The following THEMIS variants were observed in gnomAD, a reference collection of about 807,000 sequenced individuals.
The protein encoded by THEMIS is thymocyte selection associated.
A neutral mutation model predicts 52.6 loss-of-function variants in THEMIS; 37 were observed. The observed-to-expected ratio is 0.70, with a 90% confidence interval of 0.54 to 0.93. The LOEUF is 0.93. Among genes scored for constraint, THEMIS ranks in the 40% least tolerant of loss-of-function variants. THEMIS has a pLI of 0.00. For missense variants in THEMIS, 808 were observed against 763.1 expected (o/e 1.06, Z -0.69); for synonymous variants, 292 against 272.7 (o/e 1.07, Z -0.70).
At chr6:127,769,880 T>A (rs1359146055) in intron 4 of THEMIS, among the ~76,000 whole-genome samples, 1 of 152,240 alleles carries the variant, frequency 6.6e-6, no homozygotes, top group Non-Finnish European at 1.5e-5. Flanking sequence ...GTGTTTGGTT[T>A]CCTGTCCTTG....
intron 1 of THEMIS, among the ~76,000 whole-genome samples, chr6:127,897,179 A>C (rs2114492033): frequency 6.6e-6 from 1 of 151,570 alleles, no homozygotes; most frequent in South Asian, 2.1e-4. Flanking sequence ...ACAGATCTGA[A>C]GGTGAGGGTA....
rs955318365 is a variant in THEMIS, at chr6:127,848,265, T to C, written c.250+6765A>G. ...CAAAGGACATGAACTCATCATTTTTTATAGCTGCATAGTATTCCATGGTGT... is the reference window on the plus strand; with the variant it reads ...CAAAGGACATGAACTCATCATTTTTCATAGCTGCATAGTATTCCATGGTGT... On this transcript the variant is annotated intron_variant, in intron 2 of 5. Transcript: ENST00000368248. Among the ~76,000 whole-genome samples, 17 of 152,106 alleles carry C rather than the reference T, an allele frequency of 1.1e-4. No individual in the cohort carries two copies. The South Asian group carries it at 2.9e-3, about 26-fold the overall frequency.
rs745592477 is a variant in THEMIS, at chr6:127,843,539, T to C, written c.250+11491A>G. 4.0e-4 allele frequency among the ~76,000 whole-genome samples: 61 copies of C among 152,100 alleles called. No homozygotes were observed. In the Middle Eastern group the frequency reaches 0.014, roughly 34 times the overall value. ...TCAATAAGTTGTTGAAAGTATAATATCCTAGATACACATTTTAAATAAAAC... is the reference window on the plus strand; with the variant it reads ...TCAATAAGTTGTTGAAAGTATAATACCCTAGATACACATTTTAAATAAAAC... On this transcript the variant is annotated intron_variant, in intron 2 of 5. Coordinates refer to ENST00000368248, the MANE Select transcript of THEMIS (RefSeq NM_001010923.3).
intron 1 of THEMIS, among the ~76,000 whole-genome samples, chr6:127,907,834 T>C (rs1781314659): frequency 1.0e-4 from 1 of 10,034 alleles, no homozygotes; most frequent in Non-Finnish European, 1.6e-4. Context: ...ATTCTTCTTT[T>C]TATTTTATTT....
intron 5 of THEMIS, among the ~76,000 whole-genome samples, chr6:127,714,274 T>C (rs1774083281): frequency 6.6e-6 from 1 of 151,978 alleles, no homozygotes; most frequent in South Asian, 2.1e-4. Flanking sequence ...TTACCATTAC[T>C]TGACTGTGCT....
rs375459676 is a variant in THEMIS, at chr6:127,829,466, G to T, written c.709+10C>A. The T allele has an allele frequency of 3.2e-6, 5 of 1,581,728 alleles. No homozygotes were observed. In the African/African-American group the frequency reaches 4.1e-5, roughly 13 times the overall value. On this transcript the variant is annotated intron_variant, in intron 3 of 5. Coordinates refer to ENST00000368248, the MANE Select transcript of THEMIS (RefSeq NM_001010923.3). ...ATGCTCATAGAACATCATTCTCAGTGGATACTCACATTTCATCACACCTTG... is the reference window on the plus strand; with the variant it reads ...ATGCTCATAGAACATCATTCTCAGTTGATACTCACATTTCATCACACCTTG...
intron 1 of THEMIS, among the ~76,000 whole-genome samples, chr6:127,899,372 C>G (rs1426914242): frequency 1.3e-5 from 2 of 151,322 alleles, no homozygotes; most frequent in Admixed American, 6.6e-5. Context: ...GCCATAGTTA[C>G]AAAAATAGTG....
At chr6:127,728,719 T>G (rs1433322991) in intron 4 of THEMIS, among the ~76,000 whole-genome samples, 2 of 151,952 alleles carry the variant, frequency 1.3e-5, no homozygotes, top group Non-Finnish European at 2.9e-5. Flanking sequence ...TGTGTGTGAG[T>G]TGGGATTGGG....
intron 4 of THEMIS, among the ~76,000 whole-genome samples, chr6:127,728,409 C>T (rs1774628487): frequency 6.6e-6 from 1 of 152,128 alleles, no homozygotes; most frequent in Admixed American, 6.6e-5. Flanking sequence ...ATTTCCAATC[C>T]CCCAAAGCAA....
intron 1 of THEMIS, among the ~76,000 whole-genome samples, chr6:127,866,949 T>TTTTA (rs10627698): frequency 0.31 from 44,848 of 145,630 alleles, 7,460 homozygotes; most frequent in Middle Eastern, 0.39. Context: ...TTTATTTTTA[T>TTTTA]TTTATTTATT....
intron 1 of THEMIS, among the ~76,000 whole-genome samples, chr6:127,909,068 T>G (rs1781347511): frequency 1.3e-5 from 2 of 151,652 alleles, no homozygotes; most frequent in Admixed American, 1.3e-4. Context: ...ATTACAAAAA[T>G]AAAATATTAA....
At chr6:127,825,898 A>G (rs1778491140) in intron 3 of THEMIS, among the ~76,000 whole-genome samples, 1 of 152,218 alleles carries the variant, frequency 6.6e-6, no homozygotes, top group African/African-American at 2.4e-5. Context: ...TAAGGTCGTC[A>G]TCGCAGAAAA....
In THEMIS at chr6:127,814,523, C is replaced by T. The variant is rs377136729; in HGVS notation, c.710-592G>A. Among the ~76,000 whole-genome samples, 81 of 152,134 alleles carry T rather than the reference C, an allele frequency of 5.3e-4. 2 individuals are homozygous for T. Among genetic ancestry groups the T allele is most frequent in the African/African-American group, 1.6e-3 (68 of 41,510 alleles). The stretch of plus-strand genomic sequence containing the variant: ...ATACAAGCTACTTGAGATTAATATG[C>T]GAAAATAAATACCAAGATGCAATAT... On this transcript the variant is annotated intron_variant, in intron 3 of 5. Coordinates refer to ENST00000368248, the MANE Select transcript of THEMIS (RefSeq NM_001010923.3).
chr6:127,767,523 T>C (rs1776241150), intron 4 of THEMIS, among the ~76,000 whole-genome samples: 1 of 152,164 alleles, frequency 6.6e-6, no homozygotes, highest in Non-Finnish European at 1.5e-5. Flanking sequence ...AGGGTCATGG[T>C]CATCAACATC....
At chr6:127,863,705 C>A (rs1381548523) in intron 1 of THEMIS, among the ~76,000 whole-genome samples, 1 of 152,126 alleles carries the variant, frequency 6.6e-6, no homozygotes, top group Admixed American at 6.6e-5. Context: ...AACATGGAAT[C>A]CTGCTTCTCA....
chr6:127,718,981 G>A (rs1008979445), intron 5 of THEMIS, among the ~76,000 whole-genome samples: 2 of 151,856 alleles, frequency 1.3e-5, no homozygotes, highest in African/African-American at 2.4e-5. Context: ...AAATAAGGAG[G>A]AGAAAGGAGC....
At chr6:127,847,282 A>G (rs1049914333) in intron 2 of THEMIS, among the ~76,000 whole-genome samples, 4 of 151,996 alleles carry the variant, frequency 2.6e-5, no homozygotes, top group African/African-American at 9.7e-5. Context: ...AGTCCTAGCC[A>G]CAGCAATTAG....
intron 4 of THEMIS, among the ~76,000 whole-genome samples, chr6:127,758,618 C>T (rs1156299361): frequency 6.6e-6 from 1 of 151,390 alleles, no homozygotes. Flanking sequence ...AAAGGTGTAA[C>T]ATTAAAGTTG....
intron 1 of THEMIS, among the ~76,000 whole-genome samples, chr6:127,867,719 C>T (rs906747831): frequency 7.9e-5 from 12 of 152,066 alleles, no homozygotes; most frequent in African/African-American, 1.7e-4. Flanking sequence ...CTAACAGTGC[C>T]TAACCTAAAA....
Sources: allele counts gnomAD v4.1 joint callset (sites outside exome capture counted in the v4.1 genomes callset), GRCh38; gene constraint gnomAD v4.1.1; transcripts MANE v1.5; gene names NCBI Gene and HGNC (gene_info 2026-07-23, HGNC 2026-07-21).